Variants in CLOCK observed in about 807,000 individuals in gnomAD.
CLOCK encodes clock circadian regulator.
In CLOCK, 43 loss-of-function variants were observed where a neutral mutation model predicts 118.4. The ratio of observed to expected loss-of-function variants is 0.36; its 90% CI spans 0.28 to 0.47. The LOEUF is 0.47. CLOCK is among the 20% of genes least tolerant of loss of function. The probability of loss-of-function intolerance (pLI) is 1.00; values close to 1 mark genes in which losing one functional copy is unlikely to be tolerated. For synonymous variants in CLOCK, 326 were observed against 339.2 expected (o/e 0.96, Z 0.43); for missense variants, 846 against 999.9 (o/e 0.85, Z 2.08).
At chr4:55,440,289 T>C (rs1229543477) in intron 21 of CLOCK, among the ~76,000 whole-genome samples, 1 of 152,200 alleles carries the variant, frequency 6.6e-6, no homozygotes, top group Non-Finnish European at 1.5e-5. Context: ...CAGCATAGCG[T>C]CCTCTGTGCT....
intron 4 of CLOCK, among the ~76,000 whole-genome samples, chr4:55,481,498 A>G (rs1726933996): frequency 2.0e-5 from 3 of 152,230 alleles, no homozygotes. Context: ...GAAAAAGACT[A>G]TCATTAATTC....
intron 2 of CLOCK, among the ~76,000 whole-genome samples, chr4:55,493,389 GAACTGACGGATCTATTAACATTAATT>G (rs1221163853): frequency 6.6e-6 from 1 of 152,084 alleles, no homozygotes; most frequent in African/African-American, 2.4e-5. Flanking sequence ...GGTATTTCGG[GAACTGACGGATCTATTAACATTAATT>G]AAAAGTAGTG....
At chr4:55,512,569 C>T (rs1416141168) in intron 1 of CLOCK, among the ~76,000 whole-genome samples, 5 of 152,098 alleles carry the variant, frequency 3.3e-5, no homozygotes, top group Admixed American at 2.6e-4. Flanking sequence ...ACAGAGCAGA[C>T]ATTTTTAATT....
rs187642679 is a variant in CLOCK, at chr4:55,463,937, T to C, written c.439-132A>G. The C allele has an allele frequency of 7.9e-6, 7 of 890,620 alleles. No homozygotes were observed. In the African/African-American group the frequency reaches 8.5e-5, roughly 11 times the overall value. The allele number at this position is 890,620 out of a possible 1,614,324, so 55.2% of individuals were successfully genotyped here. A position where few individuals can be genotyped will look rare whatever the true frequency, so the allele number is the denominator to read the frequency against. On this transcript the variant is annotated intron_variant, in intron 8 of 22. Coordinates refer to ENST00000513440, the MANE Select transcript of CLOCK (RefSeq NM_004898.4). ...GTGAAAACCAACAAATGTCAAGTTA[T>C]AGACCAAATCTCAAAAAATAAGATT...
intron 1 of CLOCK, among the ~76,000 whole-genome samples, chr4:55,540,187 T>C (rs2110114705): frequency 6.6e-6 from 1 of 152,022 alleles, no homozygotes; most frequent in African/African-American, 2.4e-5. Context: ...TTTGTACTTT[T>C]AGTAGAGACA....
At chr4:55,492,845 T>TA (rs972922751) in intron 2 of CLOCK, among the ~76,000 whole-genome samples, 15 of 151,826 alleles carry the variant, frequency 9.9e-5, no homozygotes, top group African/African-American at 2.2e-4. Flanking sequence ...ATTCTGTCTC[T>TA]AAAAAAAATA....
intron 1 of CLOCK, among the ~76,000 whole-genome samples, chr4:55,522,153 CAAAACATATCA>C (rs1478904947): frequency 2.0e-5 from 3 of 151,890 alleles, no homozygotes; most frequent in Non-Finnish European, 4.4e-5. Context: ...AATATGAAGG[CAAAACATATCA>C]ATTTTTAGAA....
At chr4:55,531,347 A>T (rs1479557306) in intron 1 of CLOCK, among the ~76,000 whole-genome samples, 2 of 152,080 alleles carry the variant, frequency 1.3e-5, no homozygotes, top group African/African-American at 4.8e-5. Flanking sequence ...AAGAAATAAA[A>T]GCAGATCTCA....
intron 11 of CLOCK, among the ~76,000 whole-genome samples, chr4:55,457,043 A>C (rs185937740): frequency 6.6e-6 from 1 of 152,208 alleles, no homozygotes; most frequent in Non-Finnish European, 1.5e-5. Context: ...AATAACCTTT[A>C]GATGCAAGCT....
chr4:55,490,238 A>C (rs1727580813), intron 2 of CLOCK, among the ~76,000 whole-genome samples: 2 of 152,126 alleles, frequency 1.3e-5, no homozygotes, highest in Non-Finnish European at 2.9e-5. Context: ...CTTAGATAAA[A>C]TAGATGTAAA....
At position 55,444,508 on chromosome 4, in the gene CLOCK, T is replaced by A. The variant is rs927347020; in HGVS notation, c.1692+125A>T. On this transcript the variant is annotated intron_variant, in intron 19 of 22. Coordinates refer to ENST00000513440, the MANE Select transcript of CLOCK (RefSeq NM_004898.4). ...TCATACTGAGTAGGTAACCAGTGAA[T>A]ATTTATTGAACTGAATTGATAAAAC... 2.6e-5 allele frequency: 30 copies of A among 1,140,694 alleles called. No individual in the cohort carries two copies. The African/African-American group carries it at 4.0e-4, about 15-fold the overall frequency. 70.7% of individuals were successfully genotyped at this position (1,140,694 alleles called of 1,614,324 possible). A position where few individuals can be genotyped will look rare whatever the true frequency, so the allele number is the denominator to read the frequency against.
At chr4:55,444,360 A>G (rs1450632645) in intron 19 of CLOCK, among the ~76,000 whole-genome samples, 2 of 152,182 alleles carry the variant, frequency 1.3e-5, no homozygotes, top group Non-Finnish European at 2.9e-5. Context: ...GTAAAATATA[A>G]TTTTTATATT....
chr4:55,527,612 T>G (rs966319271), intron 1 of CLOCK, among the ~76,000 whole-genome samples: 1 of 152,178 alleles, frequency 6.6e-6, no homozygotes, highest in African/African-American at 2.4e-5. Context: ...CTGGGAGGTA[T>G]GTACCTGATT....
chr4:55,466,196 TAGTG>T (rs770278981), intron 8 of CLOCK, among the ~76,000 whole-genome samples: 2 of 152,124 alleles, frequency 1.3e-5, no homozygotes, highest in Non-Finnish European at 2.9e-5. Context: ...GTTCTCGTGA[TAGTG>T]AGTGAGTTTT....
At position 55,432,183 on chromosome 4, in the gene CLOCK, C is replaced by G. The variant is rs1722556530; in HGVS notation, c.*3232G>C. ...ACCGTAGTATTTACTCACATGCTACCTGCATCTCCCATACTTTTCTCCAAT... is the reference window on the plus strand; with the variant it reads ...ACCGTAGTATTTACTCACATGCTACGTGCATCTCCCATACTTTTCTCCAAT... On this transcript the variant is annotated 3_prime_UTR_variant, in exon 23 of 23. Transcript: ENST00000513440. The G allele has an allele frequency of 6.6e-6, 1 of 152,152 alleles. No homozygotes were observed. Among genetic ancestry groups the G allele is most frequent in the Non-Finnish European group, 1.5e-5 (1 of 68,020 alleles). The allele number at this position is 152,152 out of a possible 1,614,324, so 9.4% of individuals were successfully genotyped here. A position where few individuals can be genotyped will look rare whatever the true frequency, so the allele number is the denominator to read the frequency against.
intron 8 of CLOCK, among the ~76,000 whole-genome samples, chr4:55,467,159 G>C (rs1453156197): frequency 1.3e-5 from 2 of 152,090 alleles, no homozygotes; most frequent in Non-Finnish European, 2.9e-5. Context: ...TTTTTATTGA[G>C]GGAAGTGTTA....
intron 2 of CLOCK, among the ~76,000 whole-genome samples, chr4:55,508,094 C>T (rs539273286): frequency 6.6e-5 from 10 of 152,190 alleles, no homozygotes; most frequent in Non-Finnish European, 1.5e-4. Flanking sequence ...CTTAACCTGC[C>T]TGTGTCTGAC....
At position 55,478,967 on chromosome 4, in the gene CLOCK, A is replaced by G. The variant is rs1057262759; in HGVS notation, c.108-4T>C. ...TTCAGATTTGTTTCTAGATACTCTG[A>G]TGAAATGAAAAATATGCATTTTTTA... On this transcript the variant is annotated splice_region_variant and splice_polypyrimidine_tract_variant and intron_variant, in intron 5 of 22. Transcript: ENST00000513440. 7 of 1,579,794 alleles carry G rather than the reference A, an allele frequency of 4.4e-6. No homozygotes were observed. The African/African-American group carries it at 6.7e-5, about 15-fold the overall frequency.
chr4:55,529,875 C>G (rs1184553495), intron 1 of CLOCK, among the ~76,000 whole-genome samples: 5 of 152,106 alleles, frequency 3.3e-5, no homozygotes, highest in Non-Finnish European at 5.9e-5. Flanking sequence ...AGAAAATAAG[C>G]AAAAGCTACT....
Sources: gnomAD v4.1 joint callset for allele counts (sites outside exome capture counted in the v4.1 genomes callset) on GRCh38, gnomAD v4.1.1 for gene constraint, MANE v1.5 for transcripts, NCBI Gene and HGNC (gene_info 2026-07-23, HGNC 2026-07-21) for gene names.